The following FAM174A variants were observed in gnomAD, a reference collection of about 807,000 sequenced individuals.
FAM174A encodes the protein family with sequence similarity 174 member A, also known as membrane protein FAM174A.
Under a neutral mutation model 14.3 loss-of-function variants are expected in FAM174A, and 14 were observed. The ratio of observed to expected loss-of-function variants is 0.98; its 90% confidence interval spans 0.65 to 1.53. FAM174A has a LOEUF of 1.53. Ranked by LOEUF, FAM174A falls within the 40% of genes most tolerant of loss-of-function variation. The pLI, the probability that FAM174A is intolerant of heterozygous loss-of-function variation, is 0.00. For synonymous variants in FAM174A, 108 were observed against 111.4 expected, an observed-to-expected ratio of 0.97 and a Z score of 0.19; for missense variants, 241 against 249.6, an observed-to-expected ratio of 0.97 and a Z score of 0.23.
intron 1 of FAM174A, among the ~76,000 whole-genome samples, chr5:100,561,460 T>C (rs1266903782): frequency 6.6e-6 from 1 of 151,938 alleles, no homozygotes; most frequent in Non-Finnish European, 1.5e-5. Context: ...CAGATAATGG[T>C]TTATATCACA....
intron 1 of FAM174A, among the ~76,000 whole-genome samples, chr5:100,554,039 A>C (rs930077591): frequency 1.3e-5 from 2 of 152,178 alleles, no homozygotes; most frequent in Non-Finnish European, 2.9e-5. Context: ...GGGAGAATCT[A>C]GTTTATTTCC....
chr5:100,570,447 T>C (rs952254008), intron 2 of FAM174A, among the ~76,000 whole-genome samples: 1 of 151,990 alleles, frequency 6.6e-6, no homozygotes, highest in African/African-American at 2.4e-5. Flanking sequence ...ACTGATCTTA[T>C]TGTGGCTCAC....
intron 1 of FAM174A, among the ~76,000 whole-genome samples, chr5:100,547,224 A>G (rs994251118): frequency 6.6e-6 from 1 of 152,128 alleles, no homozygotes; most frequent in African/African-American, 2.4e-5. Flanking sequence ...ATTTCTGTCC[A>G]TTCATAAAAA....
At chr5:100,579,094 T>C (rs1443054900) in intron 2 of FAM174A, among the ~76,000 whole-genome samples, 7 of 152,268 alleles carry the variant, frequency 4.6e-5, no homozygotes, top group Admixed American at 4.6e-4. Context: ...AATAGATTTA[T>C]GTGTACTGGT....
intron 1 of FAM174A, among the ~76,000 whole-genome samples, chr5:100,550,587 G>A (rs947947404): frequency 5.3e-5 from 8 of 152,122 alleles, no homozygotes; most frequent in African/African-American, 2.4e-5. Flanking sequence ...TACAGCTCCT[G>A]CTCTCATGGA....
chr5:100,568,918 G>A (rs1746720593), intron 2 of FAM174A, among the ~76,000 whole-genome samples: 1 of 151,612 alleles, frequency 6.6e-6, no homozygotes, highest in African/African-American at 2.4e-5. Context: ...TCTGTTTTAG[G>A]TTTCTTCTTC....
rs573030666 is a variant in FAM174A at position 100,573,749 on chromosome 5, A to G, written c.569+11561A>G. Reference sequence around the variant, plus strand: ...ACTTTAAAGTTCATATGGAACCAAAAAAGAGCCCACATCGCCAAGTCAATC... The same window carrying G: ...ACTTTAAAGTTCATATGGAACCAAAGAAGAGCCCACATCGCCAAGTCAATC... On this transcript the variant is annotated intron_variant, in intron 2 of 2. Coordinates refer to ENST00000312637, the MANE Select transcript of FAM174A (RefSeq NM_198507.3). 8.2e-3 allele frequency among the ~76,000 whole-genome samples: 1,238 copies of G among 150,964 alleles called. 4 individuals carry two copies. Among genetic ancestry groups the G allele is most frequent in the Non-Finnish European group, 0.013 (852 of 67,910 alleles).
chr5:100,562,566 A>G (rs753135084), intron 2 of FAM174A, among the ~76,000 whole-genome samples: 18 of 151,442 alleles, frequency 1.2e-4, no homozygotes, highest in Non-Finnish European at 2.1e-4. Flanking sequence ...TTCTTGCAAT[A>G]TGTATTAACT....
At chr5:100,576,952 T>A (rs1462540186) in intron 2 of FAM174A, among the ~76,000 whole-genome samples, 1 of 152,196 alleles carries the variant, frequency 6.6e-6, no homozygotes, top group African/African-American at 2.4e-5. Context: ...AGGCCGCATA[T>A]GCTGACTAAA....
At chr5:100,559,998 C>T (rs1034351445) in intron 1 of FAM174A, among the ~76,000 whole-genome samples, 2 of 152,012 alleles carry the variant, frequency 1.3e-5, no homozygotes, top group East Asian at 1.9e-4. Context: ...TGAGGAGCTG[C>T]GTTCCTTTGG....
At chr5:100,551,157 A>T (rs1025080572) in intron 1 of FAM174A, among the ~76,000 whole-genome samples, 11 of 152,156 alleles carry the variant, frequency 7.2e-5, no homozygotes, top group African/African-American at 2.4e-4. Flanking sequence ...ATATAAATGA[A>T]TTTAAATTAT....
intron 1 of FAM174A, among the ~76,000 whole-genome samples, chr5:100,545,621 T>C (rs1746150437): frequency 6.6e-6 from 1 of 152,196 alleles, no homozygotes; most frequent in Admixed American, 6.5e-5. Context: ...GTTATCTCAA[T>C]AGTAAAGCAA....
In FAM174A at chr5:100,571,058, A is replaced by G. The variant is rs534971468; in HGVS notation, c.569+8870A>G. 3.6e-4 allele frequency among the ~76,000 whole-genome samples: 54 copies of G among 151,816 alleles called. 1 individual carries two copies. Among genetic ancestry groups the G allele is most frequent in the African/African-American group, 1.0e-3 (43 of 41,480 alleles). On this transcript the variant is annotated intron_variant, in intron 2 of 2. Coordinates refer to ENST00000312637, the MANE Select transcript of FAM174A (RefSeq NM_198507.3). ...TCCTTCTTTGTCATGGTACCCTTCT[A>G]TATATCGTTGGGTTCAATTCACTAA... is the stretch of plus-strand genomic sequence containing the variant.
intron 2 of FAM174A, among the ~76,000 whole-genome samples, chr5:100,578,300 G>T (rs967803510): frequency 2.0e-5 from 3 of 152,052 alleles, no homozygotes; most frequent in Non-Finnish European, 2.9e-5. Context: ...AATGCCCTTA[G>T]ACCAATCTCT....
chr5:100,579,826 G>A (rs1357320524), intron 2 of FAM174A, among the ~76,000 whole-genome samples: 1 of 152,160 alleles, frequency 6.6e-6, no homozygotes, highest in Non-Finnish European at 1.5e-5. Context: ...GTTTGCAGTT[G>A]TATTGCTTGG....
chr5:100,580,331 G>C (rs1013132031), intron 2 of FAM174A, among the ~76,000 whole-genome samples: 1 of 152,132 alleles, frequency 6.6e-6, no homozygotes, highest in Non-Finnish European at 1.5e-5. Context: ...GCTGTATTAG[G>C]GTTCTCTAGA....
At chr5:100,540,621 A>T (rs1258824491) in intron 1 of FAM174A, among the ~76,000 whole-genome samples, 1 of 152,208 alleles carries the variant, frequency 6.6e-6, no homozygotes, top group Non-Finnish European at 1.5e-5. Flanking sequence ...ATGTTTACTC[A>T]TACACCTAAA....
chr5:100,539,520 T>C (rs1713457159), intron 1 of FAM174A, among the ~76,000 whole-genome samples: 1 of 152,226 alleles, frequency 6.6e-6, no homozygotes, highest in South Asian at 2.1e-4. Flanking sequence ...CTTATCATCC[T>C]AATAGCTGAT....
rs1314559777 is a variant in FAM174A at position 100,571,289 on chromosome 5, C to T, written c.569+9101C>T. Reference sequence around the variant, plus strand: ...ATTTAAAAAATCTGTGTAACACTGCCATTATTTCTTCCTTAAGTATTTGAT... The same window carrying T: ...ATTTAAAAAATCTGTGTAACACTGCTATTATTTCTTCCTTAAGTATTTGAT... On this transcript the variant is annotated intron_variant, in intron 2 of 2. Coordinates refer to ENST00000312637, the MANE Select transcript of FAM174A (RefSeq NM_198507.3). Among the ~76,000 whole-genome samples the T allele has an allele frequency of 2.0e-5, 3 of 151,644 alleles. No individual in the cohort carries two copies. The East Asian group carries it at 5.8e-4, about 29-fold the overall frequency.
Sources: allele counts gnomAD v4.1 joint callset (sites outside exome capture counted in the v4.1 genomes callset), GRCh38; gene constraint gnomAD v4.1.1; transcripts MANE v1.5; gene names NCBI Gene and HGNC (gene_info 2026-07-23, HGNC 2026-07-21).